Variants in GLI2 observed in about 807,000 individuals in gnomAD.
GLI2 encodes the protein transcription activator GLI2.
Under a neutral mutation model 78.9 loss-of-function variants are expected in GLI2, and 22 were observed. That is an observed-to-expected ratio of 0.28 (90% CI 0.20 to 0.40). The LOEUF is 0.40. GLI2 is among the 10% of genes least tolerant of loss of function. The pLI, the probability that GLI2 is intolerant of heterozygous loss-of-function variation, is 1.00. For missense variants in GLI2, 2,097 were observed against 2,213.2 expected, an observed-to-expected ratio of 0.95 and a Z score of 1.05; for synonymous variants, 974 against 963.7, an observed-to-expected ratio of 1.01 and a Z score of -0.20.
At chr2:120,852,110 G>C (rs1687433270) in intron 2 of GLI2, among the ~76,000 whole-genome samples, 1 of 152,202 alleles carries the variant, frequency 6.6e-6, no homozygotes, top group African/African-American at 2.4e-5. Context: ...CCCAGGCCCA[G>C]AGTGAGTGGG....
chr2:120,973,315 G>T (rs1235477288), intron 8 of GLI2, among the ~76,000 whole-genome samples: 1 of 152,194 alleles, frequency 6.6e-6, no homozygotes, highest in African/African-American at 2.4e-5. Context: ...CGCCAGAAAG[G>T]CAAGGACAGG....
chr2:120,912,760 C>T (rs1678891838), intron 2 of GLI2, among the ~76,000 whole-genome samples: 1 of 152,108 alleles, frequency 6.6e-6, no homozygotes, highest in Non-Finnish European at 1.5e-5. Context: ...TCTCGGGAGT[C>T]CACACACCCA....
At chr2:120,822,821 AT>A (rs1264911320) in intron 2 of GLI2, among the ~76,000 whole-genome samples, 1 of 152,226 alleles carries the variant, frequency 6.6e-6, no homozygotes, top group Non-Finnish European at 1.5e-5. Context: ...TTCAGAGGAA[AT>A]GGTACGAATG....
intron 1 of GLI2, among the ~76,000 whole-genome samples, chr2:120,768,885 A>G (rs918906325): frequency 2.6e-5 from 4 of 151,570 alleles, no homozygotes; most frequent in Non-Finnish European, 5.9e-5. Flanking sequence ...AGTTCTGGGG[A>G]TGGGCTCTCT....
intron 5 of GLI2, among the ~76,000 whole-genome samples, chr2:120,957,558 C>G (rs1446190968): frequency 6.6e-6 from 1 of 152,242 alleles, no homozygotes; most frequent in Non-Finnish European, 1.5e-5. Context: ...AAGCAGGACC[C>G]TTCTTCCAAG....
At chr2:120,773,725 G>T (rs547100529) in intron 1 of GLI2, among the ~76,000 whole-genome samples, 22 of 152,120 alleles carry the variant, frequency 1.4e-4, no homozygotes, top group Non-Finnish European at 3.1e-4. Context: ...GTGGCAGGTG[G>T]CAGGCAGCAC....
chr2:120,975,207 G>C, intron 9 of GLI2, 98 bp downstream of exon 9: 1 of 1,200,080 alleles, frequency 8.3e-7, no homozygotes, highest in Non-Finnish European at 1.2e-6. Flanking sequence ...GAAGGGGCTG[G>C]AGGAAGAGAC....
At chr2:120,754,320 T>TA (rs1487214262) in intron 1 of GLI2, among the ~76,000 whole-genome samples, 1 of 152,104 alleles carries the variant, frequency 6.6e-6, no homozygotes, top group South Asian at 2.1e-4. Context: ...AGTTTTTTTT[T>TA]AAAAATGTAC....
chr2:120,748,757 C>G (rs1337311155), intron 1 of GLI2, among the ~76,000 whole-genome samples: 10 of 152,162 alleles, frequency 6.6e-5, no homozygotes. Context: ...AAAGTTATAT[C>G]TTTCTGTCTG....
intron 1 of GLI2, among the ~76,000 whole-genome samples, chr2:120,754,017 T>C (rs1682965363): frequency 6.6e-6 from 1 of 152,200 alleles, no homozygotes; most frequent in Admixed American, 6.5e-5. Context: ...TTTATAGATT[T>C]AGGGGTACGA....
At chr2:120,833,221 C>T (rs1473957306) in intron 2 of GLI2, among the ~76,000 whole-genome samples, 5 of 151,816 alleles carry the variant, frequency 3.3e-5, no homozygotes, top group Admixed American at 2.6e-4. Context: ...CCAGGGCCTA[C>T]GAGATGGTGT....
intron 2 of GLI2, among the ~76,000 whole-genome samples, chr2:120,924,101 G>A (rs541328370): frequency 9.2e-5 from 14 of 152,202 alleles, no homozygotes; most frequent in Non-Finnish European, 1.8e-4. Context: ...GCCTCTGGAG[G>A]AGCAAGACCA....
intron 1 of GLI2, among the ~76,000 whole-genome samples, chr2:120,770,251 C>T (rs1366850975): frequency 6.6e-6 from 1 of 152,240 alleles, no homozygotes; most frequent in African/African-American, 2.4e-5. Flanking sequence ...CCCCCACCCC[C>T]AGCCTCCTCC....
At chr2:120,893,537 A>T (rs1677783903) in intron 2 of GLI2, among the ~76,000 whole-genome samples, 1 of 152,188 alleles carries the variant, frequency 6.6e-6, no homozygotes, top group African/African-American at 2.4e-5. Flanking sequence ...TAAGTCTTAC[A>T]TAGCTCAAGA....
At chr2:120,842,177 G>T (rs899936752) in intron 2 of GLI2, among the ~76,000 whole-genome samples, 6 of 151,596 alleles carry the variant, frequency 4.0e-5, no homozygotes, top group African/African-American at 1.5e-4. Context: ...CCAGCCCCCT[G>T]GTTCCCCTCC....
At chr2:120,742,756 C>T (rs1021850603) in intron 1 of GLI2, among the ~76,000 whole-genome samples, 2 of 151,550 alleles carry the variant, frequency 1.3e-5, no homozygotes, top group Non-Finnish European at 2.9e-5. Flanking sequence ...ATTTTGAGCT[C>T]ATGATTTCTT....
chr2:120,851,129 A>AT (rs1279896673), intron 2 of GLI2, among the ~76,000 whole-genome samples: 1 of 152,162 alleles, frequency 6.6e-6, no homozygotes, highest in African/African-American at 2.4e-5. Context: ...GATTGCTTAG[A>AT]TTTTTTTAAA....
chr2:120,782,424 G>A (rs1683876461), intron 1 of GLI2, among the ~76,000 whole-genome samples: 1 of 152,142 alleles, frequency 6.6e-6, no homozygotes, highest in South Asian at 2.1e-4. Context: ...TTTTTGCCAT[G>A]AACTCATTCA....
At chr2:120,869,886 A>C (rs6729535) in intron 2 of GLI2, among the ~76,000 whole-genome samples, 5 of 151,840 alleles carry the variant, frequency 3.3e-5, no homozygotes, top group Admixed American at 2.6e-4. Flanking sequence ...CCTTCAGTCC[A>C]GGGAGTTCTT....
Sources: gnomAD v4.1 joint callset for allele counts (sites outside exome capture counted in the v4.1 genomes callset) on GRCh38, gnomAD v4.1.1 for gene constraint, MANE v1.5 for transcripts, NCBI Gene and HGNC (gene_info 2026-07-23, HGNC 2026-07-21) for gene names.